The following CPA6 variants were observed in gnomAD, a reference collection of about 807,000 sequenced individuals.
CPA6 encodes the protein carboxypeptidase B.
CPA6 carries 58 observed loss-of-function variants against 63.3 expected under a neutral mutation model. The ratio of observed to expected loss-of-function variants is 0.92; its 90% CI spans 0.74 to 1.14. The LOEUF (loss-of-function observed/expected upper bound fraction) is 1.14, where lower values mean the gene tolerates loss of function less well. Ranked by LOEUF, CPA6 falls within the 50% of genes most tolerant of loss-of-function variation. The pLI is 0.00. For synonymous variants in CPA6, 185 were observed against 179.0 expected (o/e 1.03, Z -0.27); for missense variants, 565 against 526.6 (o/e 1.07, Z -0.71).
chr8:67,493,342 T>C (rs1306257313), intron 6 of CPA6, among the ~76,000 whole-genome samples: 1 of 152,174 alleles, frequency 6.6e-6, no homozygotes, highest in Non-Finnish European at 1.5e-5. Context: ...AATGATTATC[T>C]AAAAGGACTA....
intron 1 of CPA6, among the ~76,000 whole-genome samples, chr8:67,698,659 G>A (rs533418966): frequency 3.0e-4 from 46 of 152,038 alleles, no homozygotes; most frequent in African/African-American, 1.0e-3. Flanking sequence ...TTATTTTATT[G>A]ACTGTTTCAT....
chr8:67,704,385 G>C (rs1048492782), intron 1 of CPA6, among the ~76,000 whole-genome samples: 3 of 152,208 alleles, frequency 2.0e-5, no homozygotes, highest in African/African-American at 4.8e-5. Context: ...TGCTTAAAAA[G>C]CATGGGAAAT....
intron 2 of CPA6, among the ~76,000 whole-genome samples, chr8:67,574,895 C>T (rs1164495554): frequency 6.6e-6 from 1 of 151,050 alleles, no homozygotes; most frequent in African/African-American, 2.4e-5. Flanking sequence ...ACTGGAATTA[C>T]ATAAAAATAA....
intron 4 of CPA6, 38 bp downstream of exon 4, chr8:67,511,503 T>G: frequency 8.8e-7 from 1 of 1,138,390 alleles, no homozygotes; most frequent in Non-Finnish European, 1.3e-6. Flanking sequence ...TAAAGATGAC[T>G]CTGTGAAAAA....
chr8:67,741,434 G>T (rs1488790998), intron 1 of CPA6, among the ~76,000 whole-genome samples: 1 of 152,148 alleles, frequency 6.6e-6, no homozygotes, highest in African/African-American at 2.4e-5. Context: ...CACAGCAGGG[G>T]TCCCAAAACT....
intron 8 of CPA6, among the ~76,000 whole-genome samples, chr8:67,476,725 CAG>C (rs1231983434): frequency 6.6e-6 from 1 of 152,132 alleles, no homozygotes; most frequent in Non-Finnish European, 1.5e-5. Context: ...TGGTTAGAAA[CAG>C]ACACTGAAGT....
chr8:67,745,027 C>A (rs1298006199), intron 1 of CPA6, among the ~76,000 whole-genome samples: 1 of 152,170 alleles, frequency 6.6e-6, no homozygotes, highest in Non-Finnish European at 1.5e-5. Context: ...GTCACACTTA[C>A]AAATTCTCTT....
At chr8:67,600,227 G>A (rs1814458279) in intron 2 of CPA6, among the ~76,000 whole-genome samples, 1 of 151,932 alleles carries the variant, frequency 6.6e-6, no homozygotes, top group Non-Finnish European at 1.5e-5. Flanking sequence ...TCATTTTCCT[G>A]GAGGACGTTA....
chr8:67,607,237 CTTCTTCTTCTT>C lies in CPA6; in HGVS notation c.192+16928_192+16938del, dbSNP rs1564021456. ...TCTTCTTCTTCTTCTTCTTCTTCTT[CTTCTTCTTCTT>C]CTTCTCCTCCTCCTCCTTTCTTCTT... On this transcript the variant is annotated intron_variant, in intron 2 of 10. Transcript: ENST00000297770. Among the ~76,000 whole-genome samples, 15 of 116,710 alleles carry C rather than the reference CTTCTTCTTCTT, an allele frequency of 1.3e-4. 3 individuals are homozygous for C. Among genetic ancestry groups the C allele is most frequent in the African/African-American group, 4.4e-4 (13 of 29,870 alleles). The allele number at this position is 116,710 out of a possible 152,430, so 76.6% of individuals were successfully genotyped here. A position where few individuals can be genotyped will look rare whatever the true frequency, so the allele number is the denominator to read the frequency against.
At chr8:67,603,000 C>T (rs749709069) in intron 2 of CPA6, among the ~76,000 whole-genome samples, 6 of 152,214 alleles carry the variant, frequency 3.9e-5, no homozygotes, top group African/African-American at 1.2e-4. Flanking sequence ...AAACAAAAAA[C>T]GAACCCAAAA....
chr8:67,480,652 GAAT>G (rs113363954), intron 8 of CPA6, among the ~76,000 whole-genome samples: 60,848 of 151,668 alleles, frequency 0.4, 12,420 homozygotes, highest in African/African-American at 0.52. Flanking sequence ...GTCATTATGG[GAAT>G]AAATGTTTTC....
chr8:67,690,441 T>C (rs1200802438), intron 1 of CPA6, among the ~76,000 whole-genome samples: 1 of 152,220 alleles, frequency 6.6e-6, no homozygotes, highest in Non-Finnish European at 1.5e-5. Context: ...GAAATTTGGT[T>C]CTAGCAATCT....
rs376310653 is a variant in CPA6 at position 67,707,187 on chromosome 8, T to C, written c.116+38827A>G. ...CTCTTAAATGCAGATTTCTGATAAC[T>C]TTAGTGATTGTGACATTAGAATAGG... On this transcript the variant is annotated intron_variant, in intron 1 of 10. Coordinates refer to ENST00000297770, the MANE Select transcript of CPA6 (RefSeq NM_020361.5). 4.6e-5 allele frequency among the ~76,000 whole-genome samples: 7 copies of C among 152,302 alleles called. No homozygotes were observed. In the East Asian group the frequency reaches 7.7e-4, roughly 17 times the overall value.
At chr8:67,478,655 GAAAAGT>G (rs1455644622) in intron 8 of CPA6, among the ~76,000 whole-genome samples, 2 of 152,214 alleles carry the variant, frequency 1.3e-5, no homozygotes, top group Non-Finnish European at 1.5e-5. Flanking sequence ...GTTGTACTAA[GAAAAGT>G]AAAAACACTT....
At chr8:67,491,041 A>G (rs1242965685) in intron 6 of CPA6, among the ~76,000 whole-genome samples, 1 of 152,060 alleles carries the variant, frequency 6.6e-6, no homozygotes, top group Non-Finnish European at 1.5e-5. Flanking sequence ...GTTACAGCTA[A>G]GGCCAAAGAA....
chr8:67,428,040 A>G lies in CPA6; in HGVS notation c.1126+7T>C. On this transcript the variant is annotated splice_region_variant and intron_variant, in intron 10 of 10. Transcript: ENST00000297770. ...GGATTCTAACACAATGTACGCAGGA[A>G]ACTTACACAACGTTGTGGAGGCTGG... 3 of 1,586,392 alleles carry G rather than the reference A, an allele frequency of 1.9e-6. No individual in the cohort carries two copies. Among genetic ancestry groups the G allele is most frequent in the Non-Finnish European group, 2.6e-6 (3 of 1,155,508 alleles).
In CPA6 at chr8:67,631,960, C is replaced by T. The variant is rs145632939; in HGVS notation, c.117-7709G>A. On this transcript the variant is annotated intron_variant, in intron 1 of 10. Coordinates refer to ENST00000297770, the MANE Select transcript of CPA6 (RefSeq NM_020361.5). ...GAACATGTCCGAACATCAGAAGGAA[C>T]AACTCCAGACACACCACCTTTAAGA... 7.2e-5 allele frequency among the ~76,000 whole-genome samples: 11 copies of T among 152,280 alleles called. No homozygotes were observed. In the East Asian group the frequency reaches 2.1e-3, roughly 29 times the overall value.
intron 9 of CPA6, among the ~76,000 whole-genome samples, chr8:67,432,221 GGAGA>G (rs1161745425): frequency 6.6e-6 from 1 of 152,176 alleles, no homozygotes; most frequent in Non-Finnish European, 1.5e-5. Flanking sequence ...CCTCTGAGGA[GGAGA>G]GAGAGGCCAG....
At chr8:67,667,580 T>A (rs1048540829) in intron 1 of CPA6, among the ~76,000 whole-genome samples, 1 of 152,140 alleles carries the variant, frequency 6.6e-6, no homozygotes, top group Non-Finnish European at 1.5e-5. Flanking sequence ...TTTCCTCTGA[T>A]TTTGCAGATT....
Sources: allele counts gnomAD v4.1 joint callset (sites outside exome capture counted in the v4.1 genomes callset), GRCh38; gene constraint gnomAD v4.1.1; transcripts MANE v1.5; gene names NCBI Gene and HGNC (gene_info 2026-07-23, HGNC 2026-07-21).